Variants in DHX35 observed in about 807,000 individuals in gnomAD.
DHX35 encodes DEAH-box helicase 35.
DHX35 carries 84 observed loss-of-function variants against 99.6 expected under a neutral mutation model. The observed-to-expected ratio is 0.84, with a 90% CI of 0.71 to 1.01. DHX35 has a LOEUF of 1.01. Among genes scored for constraint, DHX35 ranks in the 50% least tolerant of loss-of-function variants. The probability of loss-of-function intolerance (pLI) is 0.00; values close to 1 mark genes in which losing one functional copy is unlikely to be tolerated. For missense variants in DHX35, 852 were observed against 888.5 expected (o/e 0.96, Z 0.52); for synonymous variants, 331 against 316.2 (o/e 1.05, Z -0.50).
chr20:39,031,333 CTTTTTT>C (rs111833262), intron 20 of DHX35, among the ~76,000 whole-genome samples: 2,327 of 131,712 alleles, frequency 0.018, 68 homozygotes, highest in African/African-American at 0.062. Flanking sequence ...GCTCACGGTT[CTTTTTT>C]TTTTTTTTTT....
intron 11 of DHX35, 126 bp downstream of exon 11, chr20:39,004,033 C>A: frequency 1.9e-6 from 2 of 1,044,178 alleles, no homozygotes; most frequent in Non-Finnish European, 2.8e-6. Flanking sequence ...TGTAGTAGAT[C>A]TAAAAGCACA....
rs2087105757 is a variant in DHX35, at chr20:39,034,237, A to G, written c.1987A>G (p.Lys663Glu). The change falls in exon 21 of 22, where the codon AAG becomes GAG. Residue 663 changes from lysine to glutamate, a missense_variant. By Grantham distance (56) the Lys-to-Glu change is moderately conservative. Coordinates refer to ENST00000252011, the MANE Select transcript of DHX35 (RefSeq NM_021931.4). ...CTATAACGAAGTTATACAGACCTCC[A>G]AGTACTACATGAGAGATGTGACTGC... is the stretch of plus-strand genomic sequence containing the variant. ...VIYNEVIQTS[K>E]YYMRDVTAIE... The G allele has an allele frequency of 6.2e-7, 1 of 1,614,190 alleles. No individual in the cohort carries two copies. The highest frequency in any genetic ancestry group is 1.3e-5 in the African/African-American group (1 of 75,070).
In DHX35 at chr20:39,025,309, A is replaced by C; in HGVS notation, c.1751A>C (p.Gln584Pro). Residue 584 changes from glutamine to proline, a missense_variant, in exon 18 of 22, where the codon CAA becomes CCA. Physicochemically the swap from Gln to Pro is moderately conservative, Grantham distance 76. Transcript: ENST00000252011. The stretch of plus-strand genomic sequence containing the variant: ...GTCAGAGCTGCGACTGTAAGAGAAC[A>C]ATTGAAAAAGCTTCTTGTCAAGTTT... ...GLVRAATVRE[Q>P]LKKLLVKFQV... is the part of the protein sequence containing the mutation. The C allele has an allele frequency of 6.2e-7, 1 of 1,613,888 alleles. No homozygotes were observed. Among genetic ancestry groups the C allele is most frequent in the South Asian group, 1.1e-5 (1 of 90,996 alleles).
chr20:39,015,774 C>A (rs2086775470), intron 14 of DHX35, among the ~76,000 whole-genome samples: 4 of 152,090 alleles, frequency 2.6e-5, no homozygotes, highest in African/African-American at 9.7e-5. Context: ...GCAACCATCA[C>A]CACAGTCTAA....
chr20:39,021,189 T>C (rs1276906834), intron 15 of DHX35, among the ~76,000 whole-genome samples: 1 of 152,152 alleles, frequency 6.6e-6, no homozygotes, highest in African/African-American at 2.4e-5. Flanking sequence ...AGCCACTTCA[T>C]AGAAGGGGTC....
intron 21 of DHX35, among the ~76,000 whole-genome samples, chr20:39,035,693 G>T (rs8122352): frequency 0.18 from 27,118 of 152,034 alleles, 2,816 homozygotes; most frequent in East Asian, 0.29. Context: ...TAGTGACATC[G>T]CCAGGTGCCG....
intron 20 of DHX35, among the ~76,000 whole-genome samples, chr20:39,033,683 C>T (rs1490597826): frequency 2.0e-5 from 3 of 152,204 alleles, no homozygotes; most frequent in Non-Finnish European, 4.4e-5. Flanking sequence ...TGTCTATTAC[C>T]TGAGCCTTAG....
chr20:39,006,518 T>TA (rs1412898799), intron 12 of DHX35, among the ~76,000 whole-genome samples, 162 bp downstream of exon 12: 3 of 152,156 alleles, frequency 2.0e-5, no homozygotes, highest in Non-Finnish European at 2.9e-5. Flanking sequence ...TCACTCTAAA[T>TA]ATGGTGTTTC....
chr20:38,979,405 A>C (rs181269016), intron 3 of DHX35, among the ~76,000 whole-genome samples: 298 of 152,362 alleles, frequency 2.0e-3, no homozygotes, highest in Non-Finnish European at 2.5e-3. Flanking sequence ...ATTTTATTAT[A>C]AACTTTTTAA....
In DHX35 at chr20:38,969,201, T is replaced by C; in HGVS notation, c.161T>C (p.Leu54Pro). ...TCCATAGAGCAGCAGAGGCAGAAGC[T>C]GCCGGTATTCAAGGTACGTCAAATA... ...ALSIEQQRQKLPVFKLRNHIL... is the reference protein window; with the variant it reads ...ALSIEQQRQKPPVFKLRNHIL... Residue 54 changes from leucine to proline, a missense_variant, in exon 2 of 22, where the codon CTG becomes CCG. Coordinates refer to ENST00000252011, the MANE Select transcript of DHX35 (RefSeq NM_021931.4). 1 of 1,608,294 alleles carries C rather than the reference T, an allele frequency of 6.2e-7. No homozygotes were observed.
intron 1 of DHX35, among the ~76,000 whole-genome samples, chr20:38,968,451 T>C (rs748587598): frequency 1.3e-5 from 2 of 152,220 alleles, no homozygotes; most frequent in Non-Finnish European, 2.9e-5. Context: ...AATTCAGTAA[T>C]AACATGGACA....
In DHX35 at chr20:39,001,819, G is replaced by A. The variant is rs760876154; in HGVS notation, c.732G>A (p.Pro244=). 8.1e-6 allele frequency: 13 copies of A among 1,612,604 alleles called. No homozygotes were observed. The highest frequency in any genetic ancestry group is 1.6e-4 in the Middle Eastern group (1 of 6,080). ...VILTVEGRTF[P]VDIFYLQSPV... Reference sequence around the variant, plus strand: ...TTACAGTGGAAGGGAGAACATTTCCGGTGGATATCTTTTATCTACAAAGGT... The same window carrying A: ...TTACAGTGGAAGGGAGAACATTTCCAGTGGATATCTTTTATCTACAAAGGT... Residue 244 remains proline (P), a synonymous_variant, in exon 9 of 22, where the codon CCG becomes CCA. Transcript: ENST00000252011.
chr20:38,987,383 C>T (rs991597318), intron 4 of DHX35, among the ~76,000 whole-genome samples: 1 of 152,158 alleles, frequency 6.6e-6, no homozygotes, highest in African/African-American at 2.4e-5. Flanking sequence ...GCTGGGATTA[C>T]AGGCGCATGC....
chr20:39,018,813 A>C lies in DHX35; in HGVS notation c.1412A>C (p.Lys471Thr). 6.8e-6 allele frequency: 11 copies of C among 1,613,850 alleles called. No homozygotes were observed. The highest frequency in any genetic ancestry group is 9.3e-6 in the Non-Finnish European group (11 of 1,179,850). The change falls in exon 15 of 22, where the codon AAA becomes ACA. Residue 471 changes from lysine to threonine, a missense_variant. Transcript: ENST00000252011. ...GTTGTTCTTATGGCAGGTCTGGACA[A>C]AGACTGTCGCCTAACTGAACCGCTT... ...ELLYALGGLDKDCRLTEPLGM... is the reference protein window; with the variant it reads ...ELLYALGGLDTDCRLTEPLGM...
intron 8 of DHX35, among the ~76,000 whole-genome samples, chr20:39,000,928 T>G (rs2086509661): frequency 6.6e-6 from 1 of 152,154 alleles, no homozygotes; most frequent in Admixed American, 6.5e-5. Flanking sequence ...TTAGCTCTTC[T>G]CAGTCTCAGC....
At chr20:39,030,847 G>T in intron 20 of DHX35, 72 bp downstream of exon 20, 1 of 1,514,526 alleles carries the variant, frequency 6.6e-7, no homozygotes. Flanking sequence ...TCCTGTACAT[G>T]TTTCTTGACA....
At chr20:39,007,512 C>T (rs1333124434) in intron 12 of DHX35, among the ~76,000 whole-genome samples, 1 of 152,232 alleles carries the variant, frequency 6.6e-6, no homozygotes, top group Admixed American at 6.5e-5. Context: ...TGGCAGTTCC[C>T]TCATGAAGCT....
chr20:38,986,661 A>C (rs868475970), intron 4 of DHX35, among the ~76,000 whole-genome samples: 1 of 152,202 alleles, frequency 6.6e-6, no homozygotes, highest in Non-Finnish European at 1.5e-5. Flanking sequence ...TAATATAACG[A>C]CATGTAGGGT....
At chr20:38,992,861 A>G (rs2086362374) in intron 7 of DHX35, among the ~76,000 whole-genome samples, 1 of 152,212 alleles carries the variant, frequency 6.6e-6, no homozygotes, top group South Asian at 2.1e-4. Flanking sequence ...TTTAAATATT[A>G]TAAATACTGT....
Sources: gnomAD v4.1 joint callset for allele counts (sites outside exome capture counted in the v4.1 genomes callset) on GRCh38, gnomAD v4.1.1 for gene constraint, MANE v1.5 for transcripts, NCBI Gene and HGNC (gene_info 2026-07-23, HGNC 2026-07-21) for gene names.